Variants in SLC35F3 observed in about 807,000 individuals in gnomAD.
SLC35F3 encodes solute carrier family 35 member F3.
A neutral mutation model predicts 49.9 loss-of-function variants in SLC35F3; 25 were observed. The ratio of observed to expected loss-of-function variants is 0.50; its 90% CI spans 0.37 to 0.70. The LOEUF (loss-of-function observed/expected upper bound fraction) is 0.70, where lower values mean the gene tolerates loss of function less well. Among genes scored for constraint, SLC35F3 ranks in the 30% least tolerant of loss-of-function variants. SLC35F3 has a pLI of 0.00. For missense variants in SLC35F3, 525 were observed against 639.8 expected (o/e 0.82, Z 1.94); for synonymous variants, 275 against 265.4 (o/e 1.04, Z -0.35).
chr1:234,312,608 C>T (rs1657383772), intron 4 of SLC35F3, among the ~76,000 whole-genome samples: 1 of 152,206 alleles, frequency 6.6e-6, no homozygotes, highest in Non-Finnish European at 1.5e-5. Context: ...ACTTTCTACT[C>T]TCGGACATAG....
At chr1:234,187,873 A>G (rs1021670865) in intron 2 of SLC35F3, among the ~76,000 whole-genome samples, 20 of 152,178 alleles carry the variant, frequency 1.3e-4, no homozygotes, top group African/African-American at 4.8e-4. Flanking sequence ...CTTTGTAACA[A>G]TTACAACCAG....
In SLC35F3 at chr1:233,905,006, C is replaced by A. The variant is rs1054375531; in HGVS notation, c.-72C>A. 2.7e-5 allele frequency: 41 copies of A among 1,496,912 alleles called. No homozygotes were observed. Among genetic ancestry groups the A allele is most frequent in the Non-Finnish European group, 3.7e-5 (41 of 1,102,118 alleles). 92.7% of individuals were successfully genotyped at this position (1,496,912 alleles called of 1,614,324 possible). ...CACTCCAGTCTTCCCAGGCTAGCGG[C>A]TGCAGGGAGCTCCGGCCCGCGGCCC... On this transcript the variant is annotated 5_prime_UTR_variant, in exon 1 of 8. In the 5' UTR this introduces an upstream ATG that the reference lacks. Transcript: ENST00000366618.
At chr1:233,954,695 T>A (rs1662666859) in intron 2 of SLC35F3, among the ~76,000 whole-genome samples, 1 of 151,612 alleles carries the variant, frequency 6.6e-6, no homozygotes. Context: ...TTTTCCCCCC[T>A]GCTGAGATTA....
chr1:234,140,002 A>AATAAAATAAAAAAATAAAAAAAT lies in SLC35F3; in HGVS notation c.284-91415_284-91414insATAAAATAAAAAAATAAAAAAAT. Among the ~76,000 whole-genome samples the AATAAAATAAAAAAATAAAAAAAT allele has an allele frequency of 5.7e-5, 6 of 105,362 alleles. 1 individual carries two copies. The highest frequency in any genetic ancestry group is 9.5e-5 in the Non-Finnish European group (4 of 42,146). 69.1% of individuals were successfully genotyped at this position (105,362 alleles called of 152,430 possible). On this transcript the variant is annotated intron_variant, in intron 2 of 7. Transcript: ENST00000366618. ...AATAAAATAAAATAAAATAAAATAA[A>AATAAAATAAAAAAATAAAAAAAT]GTAAGTGACTTGAACACAAGTACTG...
intron 2 of SLC35F3, among the ~76,000 whole-genome samples, chr1:234,057,613 A>T (rs1664474337): frequency 6.6e-6 from 1 of 151,898 alleles, no homozygotes; most frequent in African/African-American, 2.4e-5. Flanking sequence ...TTTCCTTTCC[A>T]ATTTGGGTAC....
intron 2 of SLC35F3, among the ~76,000 whole-genome samples, chr1:234,103,919 G>A (rs1177746195): frequency 6.6e-6 from 1 of 152,156 alleles, no homozygotes; most frequent in Admixed American, 6.6e-5. Context: ...TTTTCCCTTA[G>A]CCATGAGATT....
In SLC35F3 at chr1:234,121,429, C is replaced by T. The variant is rs372690678; in HGVS notation, c.284-109988C>T. ...CTGGGATTACAGGCATGAGCCACCACGCCCAGCCGAAAAATTACTTTCTTA... is the reference window on the plus strand; with the variant it reads ...CTGGGATTACAGGCATGAGCCACCATGCCCAGCCGAAAAATTACTTTCTTA... On this transcript the variant is annotated intron_variant, in intron 2 of 7. Transcript: ENST00000366618. Among the ~76,000 whole-genome samples, 17 of 152,064 alleles carry T rather than the reference C, an allele frequency of 1.1e-4. No individual in the cohort carries two copies. The East Asian group carries it at 1.9e-3, about 17-fold the overall frequency.
At chr1:233,918,624 G>A (rs942487440) in intron 2 of SLC35F3, among the ~76,000 whole-genome samples, 5 of 152,078 alleles carry the variant, frequency 3.3e-5, no homozygotes, top group Admixed American at 6.6e-5. Context: ...AAAATTAGCC[G>A]GGTGTAGTGG....
chr1:233,960,060 G>A (rs1662769292), intron 2 of SLC35F3, among the ~76,000 whole-genome samples: 1 of 152,200 alleles, frequency 6.6e-6, no homozygotes, highest in African/African-American at 2.4e-5. Context: ...ACTCATCTCT[G>A]AAGCTAGGAA....
At chr1:234,249,683 T>C (rs1050795397) in intron 3 of SLC35F3, among the ~76,000 whole-genome samples, 2 of 152,240 alleles carry the variant, frequency 1.3e-5, no homozygotes, top group African/African-American at 4.8e-5. Flanking sequence ...GTAGTCATCC[T>C]AAGGGTAAAA....
rs1348812669 is a variant in SLC35F3 at position 234,115,290 on chromosome 1, G to GCTGCCCACA, written c.284-116125_284-116117dup. Among the ~76,000 whole-genome samples, 4 of 152,208 alleles carry GCTGCCCACA rather than the reference G, an allele frequency of 2.6e-5. 1 individual carries two copies. In the Middle Eastern group the frequency reaches 0.014, roughly 518 times the overall value. On this transcript the variant is annotated intron_variant, in intron 2 of 7. Transcript: ENST00000366618. Reference sequence around the variant, plus strand: ...AATATTGCTGCCCCTTTTACTCCTGGCTGCCCACACATCTGCCTATGCGTG... The same window carrying GCTGCCCACA: ...AATATTGCTGCCCCTTTTACTCCTGGCTGCCCACACTGCCCACACATCTGCCTATGCGTG...
intron 3 of SLC35F3, among the ~76,000 whole-genome samples, chr1:234,299,839 T>C (rs1170066982): frequency 7.4e-6 from 1 of 134,632 alleles, no homozygotes; most frequent in Non-Finnish European, 1.6e-5. Context: ...AGAAAAAAAA[T>C]TGTTAAGATT....
At chr1:234,118,234 G>A (rs1395239585) in intron 2 of SLC35F3, among the ~76,000 whole-genome samples, 1 of 152,080 alleles carries the variant, frequency 6.6e-6, no homozygotes, top group African/African-American at 2.4e-5. Flanking sequence ...ATAGCATCCT[G>A]ACTTCATGTT....
At chr1:233,955,542 G>A (rs556764959) in intron 2 of SLC35F3, among the ~76,000 whole-genome samples, 341 of 152,226 alleles carry the variant, frequency 2.2e-3, no homozygotes, top group African/African-American at 6.4e-3. Flanking sequence ...CAGAGGACAC[G>A]TATGAGGATG....
intron 2 of SLC35F3, among the ~76,000 whole-genome samples, chr1:234,028,066 T>G (rs1664003854): frequency 6.6e-6 from 1 of 152,024 alleles, no homozygotes. Flanking sequence ...GAAAAAGCCA[T>G]GGAAAGGAGA....
At chr1:234,093,950 G>T (rs1665082290) in intron 2 of SLC35F3, among the ~76,000 whole-genome samples, 1 of 152,234 alleles carries the variant, frequency 6.6e-6, no homozygotes, top group Non-Finnish European at 1.5e-5. Context: ...AAACACATTG[G>T]CCAAGAACAG....
intron 2 of SLC35F3, among the ~76,000 whole-genome samples, chr1:234,172,463 G>C (rs1395389627): frequency 2.6e-5 from 4 of 152,108 alleles, no homozygotes; most frequent in Non-Finnish European, 4.4e-5. Context: ...ATGACCTCAG[G>C]GGATCCACCC....
At chr1:234,209,794 G>T (rs1055025529) in intron 2 of SLC35F3, among the ~76,000 whole-genome samples, 2 of 151,986 alleles carry the variant, frequency 1.3e-5, no homozygotes, top group Non-Finnish European at 2.9e-5. Flanking sequence ...ACATGAGGAG[G>T]TGATGACCTC....
intron 2 of SLC35F3, among the ~76,000 whole-genome samples, chr1:234,055,932 G>A (rs1664450821): frequency 6.6e-6 from 1 of 152,140 alleles, no homozygotes; most frequent in Non-Finnish European, 1.5e-5. Context: ...GCCTCTGAGT[G>A]TTTACACTTA....
Sources: allele counts gnomAD v4.1 joint callset (sites outside exome capture counted in the v4.1 genomes callset), GRCh38; gene constraint gnomAD v4.1.1; transcripts MANE v1.5; gene names NCBI Gene and HGNC (gene_info 2026-07-23, HGNC 2026-07-21).